STK31: variants seen among roughly 807,000 people sequenced by gnomAD.
The protein encoded by STK31 is serine/threonine-protein kinase 31.
STK31 carries 89 observed loss-of-function variants against 129.7 expected under a neutral mutation model. That is an observed-to-expected ratio of 0.69 (90% CI 0.58 to 0.82). STK31 has a LOEUF of 0.82. Among genes scored for constraint, STK31 ranks in the 40% least tolerant of loss-of-function variants. The pLI is 0.00. For synonymous variants in STK31, 448 were observed against 395.3 expected, an observed-to-expected ratio of 1.13 and a Z score of -1.58; for missense variants, 1,187 against 1,176.4, an observed-to-expected ratio of 1.01 and a Z score of -0.13.
intron 22 of STK31, among the ~76,000 whole-genome samples, chr7:23,803,087 T>G (rs1792479308): frequency 6.6e-6 from 1 of 152,206 alleles, no homozygotes; most frequent in Admixed American, 6.5e-5. Context: ...TTTTAAAAAT[T>G]TTTGTTTTCT....
At chr7:23,732,277 T>C (rs964078895) in intron 6 of STK31, among the ~76,000 whole-genome samples, 10 of 152,100 alleles carry the variant, frequency 6.6e-5, no homozygotes, top group Admixed American at 2.0e-4. Context: ...AAAAAAAAGA[T>C]AAAAGTTAAG....
At chr7:23,732,598 A>G (rs569329152) in intron 6 of STK31, among the ~76,000 whole-genome samples, 10 of 152,170 alleles carry the variant, frequency 6.6e-5, no homozygotes, top group Non-Finnish European at 1.5e-4. Context: ...GTGATTGGTG[A>G]CTGTAACTAA....
intron 10 of STK31, among the ~76,000 whole-genome samples, chr7:23,760,285 A>T (rs570309489): frequency 1.4e-5 from 2 of 140,328 alleles, no homozygotes; most frequent in East Asian, 4.7e-4. Flanking sequence ...TCTGTGGATT[A>T]TACCCTGTAA....
intron 4 of STK31, among the ~76,000 whole-genome samples, chr7:23,719,079 A>G (rs540689786): frequency 1.3e-5 from 2 of 152,166 alleles, no homozygotes; most frequent in Non-Finnish European, 2.9e-5. Context: ...TGAAGTACCT[A>G]TTCACATCTT....
intron 11 of STK31, among the ~76,000 whole-genome samples, chr7:23,763,644 A>G (rs1789617658): frequency 6.6e-6 from 1 of 152,078 alleles, no homozygotes; most frequent in South Asian, 2.1e-4. Context: ...ATAGAGGAAT[A>G]CTGTTCATTT....
intron 23 of STK31, among the ~76,000 whole-genome samples, chr7:23,826,051 G>T (rs1007988599): frequency 1.3e-5 from 2 of 152,146 alleles, no homozygotes; most frequent in African/African-American, 2.4e-5. Flanking sequence ...GTGTGGTGTG[G>T]TGCTGAAAAG....
At chr7:23,712,204 A>T in intron 2 of STK31, 30 bp from the exon 3 acceptor site, 1 of 1,613,962 alleles carries the variant, frequency 6.2e-7, no homozygotes, top group Non-Finnish European at 8.5e-7. Flanking sequence ...ATTAATTTCT[A>T]ATTTTCCTTG....
At chr7:23,710,914 A>C in intron 1 of STK31, 2 of 582,680 alleles carry the variant, frequency 3.4e-6, no homozygotes, top group Non-Finnish European at 4.3e-6. Context: ...CCTAAAAGTT[A>C]TTACAGCTTT....
At position 23,735,828 on chromosome 7, in the gene STK31, C is replaced by T. The variant is rs1351081507; in HGVS notation, c.774C>T (p.His258=). The part of the protein sequence containing the change: ...NQSTFSRPKG[H]LSEKMTLDLK... Reference sequence around the variant, plus strand: ...CAACCTTCAGCAGGCCCAAGGGGCACTTAAGTGAGAAAATGACTCTTGACT... The same window carrying T: ...CAACCTTCAGCAGGCCCAAGGGGCATTTAAGTGAGAAAATGACTCTTGACT... Residue 258 remains histidine, a synonymous_variant, in exon 7 of 24, where the codon CAC becomes CAT. Coordinates refer to ENST00000355870, the MANE Select transcript of STK31 (RefSeq NM_031414.5). 3 of 1,610,556 alleles carry T rather than the reference C, an allele frequency of 1.9e-6. No homozygotes were observed. In the African/African-American group the frequency reaches 4.0e-5, roughly 22 times the overall value.
At chr7:23,777,296 T>G (rs907002190) in intron 15 of STK31, among the ~76,000 whole-genome samples, 117 of 151,800 alleles carry the variant, frequency 7.7e-4, no homozygotes, top group African/African-American at 2.7e-3. Flanking sequence ...GAATGTATAT[T>G]CTGTTGATTT....
intron 23 of STK31, among the ~76,000 whole-genome samples, chr7:23,819,009 A>G (rs1793631766): frequency 6.6e-6 from 1 of 152,164 alleles, no homozygotes; most frequent in South Asian, 2.1e-4. Flanking sequence ...GTTTGGTCTC[A>G]AGGAAAAAAA....
At chr7:23,814,163 T>TTTTTTTTTTTTTTG (rs1174158138) in intron 22 of STK31, among the ~76,000 whole-genome samples, 6 of 148,974 alleles carry the variant, frequency 4.0e-5, no homozygotes, top group Non-Finnish European at 4.5e-5. Flanking sequence ...TTTTTTTTTT[T>TTTTTTTTTTTTTTG]TCAGTTGGGA....
intron 15 of STK31, among the ~76,000 whole-genome samples, chr7:23,778,815 C>T (rs979054158): frequency 6.6e-6 from 1 of 152,070 alleles, no homozygotes; most frequent in African/African-American, 2.4e-5. Flanking sequence ...TATTACCCAC[C>T]TTCTGAAGCC....
chr7:23,739,807 G>A (rs899151092), intron 8 of STK31, among the ~76,000 whole-genome samples: 2 of 152,112 alleles, frequency 1.3e-5, no homozygotes, highest in Non-Finnish European at 2.9e-5. Flanking sequence ...TATTTCTGAG[G>A]CCTTTGTTCT....
chr7:23,757,982 G>C (rs889982537), intron 10 of STK31, among the ~76,000 whole-genome samples: 3 of 152,178 alleles, frequency 2.0e-5, no homozygotes, highest in Non-Finnish European at 4.4e-5. Context: ...AGCACATCCT[G>C]CATAGCCCTA....
chr7:23,832,219 T>C lies in STK31; in HGVS notation c.2913T>C (p.Cys971=). Residue 971 remains cysteine, a synonymous_variant, in exon 24 of 24, where the codon TGT becomes TGC. Transcript: ENST00000355870. ...CTGAACAAGTTTTAAATGCTGAATG[T>C]TTCTTGATGCCAAAGGAGCAATCAG... ...MTAEQVLNAE[C]FLMPKEQSVP... 6 of 1,614,152 alleles carry C rather than the reference T, an allele frequency of 3.7e-6. No individual in the cohort carries two copies. The highest frequency in any genetic ancestry group is 5.1e-6 in the Non-Finnish European group (6 of 1,180,014).
chr7:23,800,980 C>G (rs1792332164), intron 22 of STK31, among the ~76,000 whole-genome samples: 1 of 152,102 alleles, frequency 6.6e-6, no homozygotes, highest in Admixed American at 6.5e-5. Flanking sequence ...GCATTGTTTC[C>G]AGTGTCTGAC....
At chr7:23,796,697 C>T (rs1005181054) in intron 22 of STK31, among the ~76,000 whole-genome samples, 21 of 152,264 alleles carry the variant, frequency 1.4e-4, no homozygotes, top group African/African-American at 4.1e-4. Flanking sequence ...AACCCTTAAA[C>T]GCTGGCAACC....
intron 4 of STK31, among the ~76,000 whole-genome samples, chr7:23,726,595 C>T (rs149348551): frequency 1.1e-4 from 16 of 148,018 alleles, no homozygotes; most frequent in East Asian, 7.9e-4. Flanking sequence ...CCAGGCCTGG[C>T]GACAGAATGA....
Sources: gnomAD v4.1 joint callset for allele counts (sites outside exome capture counted in the v4.1 genomes callset) on GRCh38, gnomAD v4.1.1 for gene constraint, MANE v1.5 for transcripts, NCBI Gene and HGNC (gene_info 2026-07-23, HGNC 2026-07-21) for gene names.